Variants in TRNP1 observed in about 807,000 individuals in gnomAD.
TRNP1 encodes the protein TMF1 regulated nuclear protein 1.
Under a neutral mutation model 12.2 loss-of-function variants are expected in TRNP1, and 16 were observed. The ratio of observed to expected loss-of-function variants is 1.31; its 90% confidence interval spans 0.89 to 1.99. The LOEUF is 1.99. Among genes scored for constraint, TRNP1 ranks in the 30% most tolerant of loss-of-function variants. The pLI, the probability that TRNP1 is intolerant of heterozygous loss-of-function variation, is 0.00. For missense variants in TRNP1, 338 were observed against 330.4 expected, an observed-to-expected ratio of 1.02 and a Z score of -0.18; for synonymous variants, 139 against 166.2, an observed-to-expected ratio of 0.84 and a Z score of 1.26.
chr1:26,998,155 G>A (rs2082554628), intron 1 of TRNP1, among the ~76,000 whole-genome samples: 2 of 151,926 alleles, frequency 1.3e-5, no homozygotes, highest in African/African-American at 4.8e-5. Flanking sequence ...AGTTTGAGGC[G>A]GGCGGATCAC....
chr1:26,997,454 CTT>C (rs1172541445), intron 1 of TRNP1, among the ~76,000 whole-genome samples: 1 of 151,998 alleles, frequency 6.6e-6, no homozygotes, highest in East Asian at 1.9e-4. Flanking sequence ...TCTCCTGGCT[CTT>C]TTCCAGGCAG....
At chr1:26,995,285 C>G (rs780127173) in intron 1 of TRNP1, among the ~76,000 whole-genome samples, 2 of 152,244 alleles carry the variant, frequency 1.3e-5, no homozygotes, top group African/African-American at 4.8e-5. Context: ...TAACTCCCAA[C>G]CTGTTACTAA....
Position 26,993,708 on chromosome 1 carries a change from C to T in TRNP1, c.-79C>T, listed in dbSNP as rs1375043511. 1.1e-5 allele frequency: 13 copies of T among 1,224,548 alleles called. No homozygotes were observed. Among genetic ancestry groups the T allele is most frequent in the African/African-American group, 3.2e-5 (2 of 61,824 alleles). 75.9% of individuals were successfully genotyped at this position (1,224,548 alleles called of 1,614,324 possible). ...CGCGCCTCTGGGGTGGGGGCTGTGG[C>T]CGTGTCTAGCTGTTCGGGTGTGCTG... On this transcript the variant is annotated 5_prime_UTR_variant, in exon 1 of 2. Coordinates refer to ENST00000522111, the MANE Select transcript of TRNP1 (RefSeq NM_001013642.3).
In TRNP1 at chr1:26,994,035, C is replaced by T. The variant is rs1570774071; in HGVS notation, c.249C>T (p.Leu83=). Residue 83 remains leucine, a synonymous_variant, in exon 1 of 2, where the codon CTC becomes CTT. Coordinates refer to ENST00000522111, the MANE Select transcript of TRNP1 (RefSeq NM_001013642.3). This position sits in a 1 kb window ranked among gnomAD's most constrained non-coding sequence, Gnocchi z 6.9. The part of the protein sequence containing the change: ...WRQGASGIAG[L]AGPGGGSGAA... ...AGGGCGCTAGCGGGATCGCGGGGCT[C>T]GCCGGCCCCGGAGGGGGCTCTGGCG... 9.7e-6 allele frequency: 12 copies of T among 1,235,800 alleles called. No homozygotes were observed. The highest frequency in any genetic ancestry group is 1.0e-5 in the Non-Finnish European group (10 of 990,652). 76.6% of individuals were successfully genotyped at this position (1,235,800 alleles called of 1,614,324 possible).
intron 1 of TRNP1, among the ~76,000 whole-genome samples, chr1:26,998,523 C>G (rs1044408297): frequency 6.6e-6 from 1 of 152,172 alleles, no homozygotes; most frequent in African/African-American, 2.4e-5. Context: ...TCAAGAACAA[C>G]TCGGGTGCTT....
chr1:26,998,229 A>AG lies in TRNP1; in HGVS notation c.*143-1612dup, dbSNP rs1415430706. ...AAACCCCGCCTCTACTGAAAAAAAA[A>AG]GGGGGGAGCAAAGGAAGCTCCTTTG... On this transcript the variant is annotated intron_variant, in intron 1 of 1. Transcript: ENST00000522111. Among the ~76,000 whole-genome samples the AG allele has an allele frequency of 7.2e-5, 7 of 96,952 alleles. No homozygotes were observed. In the East Asian group the frequency reaches 1.0e-3, roughly 14 times the overall value. 63.6% of individuals were successfully genotyped at this position (96,952 alleles called of 152,430 possible).
At chr1:26,996,635 A>G (rs1211824816) in intron 1 of TRNP1, among the ~76,000 whole-genome samples, 2 of 152,154 alleles carry the variant, frequency 1.3e-5, no homozygotes, top group Non-Finnish European at 2.9e-5. Flanking sequence ...TCTGGGTTGC[A>G]TGGGAGGGGG....
rs147202818 is a variant in TRNP1, at chr1:27,000,846, C to G, written c.*1142C>G. 1.4e-3 allele frequency: 221 copies of G among 152,418 alleles called. 1 individual carries two copies. The highest frequency in any genetic ancestry group is 5.0e-3 in the African/African-American group (209 of 41,562). The allele number at this position is 152,418 out of a possible 1,614,324, so 9.4% of individuals were successfully genotyped here. A position where few individuals can be genotyped will look rare whatever the true frequency, so the allele number is the denominator to read the frequency against. On this transcript the variant is annotated 3_prime_UTR_variant, in exon 2 of 2. Coordinates refer to ENST00000522111, the MANE Select transcript of TRNP1 (RefSeq NM_001013642.3). ...CTCACAGCCGCCTGCTCTTACCCCC[C>G]TCCTCAGGAAGTCTTCCTCATTAAA...
Position 26,994,196 on chromosome 1 carries a change from C to T in TRNP1, c.410C>T (p.Ala137Val). 1 of 1,292,042 alleles carries T rather than the reference C, an allele frequency of 7.7e-7. No individual in the cohort carries two copies. Among genetic ancestry groups the T allele is most frequent in the East Asian group, 3.4e-5 (1 of 29,478 alleles). The allele number at this position is 1,292,042 out of a possible 1,614,324, so 80.0% of individuals were successfully genotyped here. Residue 137 changes from alanine to valine, a missense_variant, in exon 1 of 2, where the codon GCC becomes GTC. By Grantham distance (64) the Ala-to-Val change is moderately conservative. Coordinates refer to ENST00000522111, the MANE Select transcript of TRNP1 (RefSeq NM_001013642.3). The surrounding 1 kb of genome is among the most constrained non-coding windows in gnomAD (Gnocchi z 6.9). ...CAGCTGCACCGCGTTTTCTTGGCGGCCGAGCTGCGCCTGGCGCACCGCGCG... is the reference window on the plus strand; with the variant it reads ...CAGCTGCACCGCGTTTTCTTGGCGGTCGAGCTGCGCCTGGCGCACCGCGCG... The part of the protein sequence containing the change: ...VLQLHRVFLA[A>V]ELRLAHRAES...
intron 1 of TRNP1, among the ~76,000 whole-genome samples, chr1:26,996,957 A>G (rs1296226008): frequency 1.3e-5 from 2 of 152,024 alleles, no homozygotes; most frequent in African/African-American, 2.4e-5. Context: ...AGTTAGTGCT[A>G]TGTCCATTAC....
At chr1:26,999,479 G>A (rs2082562001) in intron 1 of TRNP1, among the ~76,000 whole-genome samples, 2 of 152,212 alleles carry the variant, frequency 1.3e-5, no homozygotes, top group Admixed American at 1.3e-4. Context: ...AATTTGCCCA[G>A]CCCTGGAGAG....
At position 27,000,646 on chromosome 1, in the gene TRNP1, T is replaced by C. The variant is rs1438567047; in HGVS notation, c.*942T>C. On this transcript the variant is annotated 3_prime_UTR_variant, in exon 2 of 2. Transcript: ENST00000522111. ...ATTCAGGAGGAATAAATTTCCATAA[T>C]GTAAGGCAAATGCATGGGGTTCTGA... is the stretch of plus-strand genomic sequence containing the variant. 6.6e-6 allele frequency: 1 copy of C among 152,616 alleles called. No homozygotes were observed. Among genetic ancestry groups the C allele is most frequent in the Non-Finnish European group, 1.5e-5 (1 of 68,048 alleles). 9.5% of individuals were successfully genotyped at this position (152,616 alleles called of 1,614,324 possible).
Position 26,993,882 on chromosome 1 carries a change from C to CT in TRNP1, c.97dup (p.Ser33PhefsTer46). ...CGCCGCCCTGGGATCCCATGCCGTC[C>CT]TCTCAGCCCCCGCCCCCAACTCCGA... On this transcript the variant is annotated frameshift_variant, in exon 1 of 2. Transcript: ENST00000522111. LOFTEE classifies it high-confidence loss of function. 1 of 1,374,548 alleles carries CT rather than the reference C, an allele frequency of 7.3e-7. No homozygotes were observed. The highest frequency in any genetic ancestry group is 9.3e-7 in the Non-Finnish European group (1 of 1,071,276). 85.1% of individuals were successfully genotyped at this position (1,374,548 alleles called of 1,614,324 possible). A position where few individuals can be genotyped will look rare whatever the true frequency, so the allele number is the denominator to read the frequency against.
intron 1 of TRNP1, among the ~76,000 whole-genome samples, chr1:26,996,379 C>A (rs2082545526): frequency 6.6e-6 from 1 of 152,212 alleles, no homozygotes; most frequent in Non-Finnish European, 1.5e-5. Context: ...AACAGCAAGG[C>A]TTTCCTGAAC....
In TRNP1 at chr1:26,993,736, G is replaced by A. The variant is rs1257783939; in HGVS notation, c.-51G>A. 1 of 1,273,578 alleles carries A rather than the reference G, an allele frequency of 7.9e-7. No individual in the cohort carries two copies. The highest frequency in any genetic ancestry group is 9.9e-7 in the Non-Finnish European group (1 of 1,011,682). The allele number at this position is 1,273,578 out of a possible 1,614,324, so 78.9% of individuals were successfully genotyped here. On this transcript the variant is annotated 5_prime_UTR_variant, in exon 1 of 2. Transcript: ENST00000522111. ...TGTCTAGCTGTTCGGGTGTGCTGTG[G>A]TCATCCTCCCTGCGCACCTACAGCC...
In TRNP1 at chr1:26,993,836, C is replaced by A; in HGVS notation, c.50C>A (p.Thr17Lys). 5 of 1,343,238 alleles carry A rather than the reference C, an allele frequency of 3.7e-6. No individual in the cohort carries two copies. Among genetic ancestry groups the A allele is most frequent in the Non-Finnish European group, 4.7e-6 (5 of 1,053,748 alleles). The allele number at this position is 1,343,238 out of a possible 1,614,324, so 83.2% of individuals were successfully genotyped here. Residue 17 changes from threonine to lysine, a missense_variant, in exon 1 of 2, where the codon ACG becomes AAG. Thr to Lys is a moderately conservative substitution (Grantham distance 78). Coordinates refer to ENST00000522111, the MANE Select transcript of TRNP1 (RefSeq NM_001013642.3). ...SACGPGAQEG[T>K]AEQRSPPPPW... ...TGCGGCCCGGGGGCCCAGGAGGGGACGGCAGAGCAGAGGTCGCCGCCGCCG... is the reference window on the plus strand; with the variant it reads ...TGCGGCCCGGGGGCCCAGGAGGGGAAGGCAGAGCAGAGGTCGCCGCCGCCG...
At position 27,000,496 on chromosome 1, in the gene TRNP1, TG is replaced by T. The variant is rs2082567195; in HGVS notation, c.*793del. 1 of 152,264 alleles carries T rather than the reference TG, an allele frequency of 6.6e-6. No homozygotes were observed. The highest frequency in any genetic ancestry group is 2.4e-5 in the African/African-American group (1 of 41,332). The allele number at this position is 152,264 out of a possible 1,614,324, so 9.4% of individuals were successfully genotyped here. On this transcript the variant is annotated 3_prime_UTR_variant, in exon 2 of 2. Transcript: ENST00000522111. Reference sequence around the variant, plus strand: ...TAAAACATCTAAGCAAAGTTTTAAATGAAAAAAAGGAAACACATTTAAACAT... The same window carrying T: ...TAAAACATCTAAGCAAAGTTTTAAATAAAAAAAGGAAACACATTTAAACAT...
At position 26,994,170 on chromosome 1, in the gene TRNP1, G is replaced by A; in HGVS notation, c.384G>A (p.Leu128=). Residue 128 remains leucine, a synonymous_variant, in exon 1 of 2, where the codon CTG becomes CTA. Coordinates refer to ENST00000522111, the MANE Select transcript of TRNP1 (RefSeq NM_001013642.3). This position sits in a 1 kb window ranked among gnomAD's most constrained non-coding sequence, Gnocchi z 6.9. ...TGTCGGAGCTGGAGAGCCGCGTGCT[G>A]CAGCTGCACCGCGTTTTCTTGGCGG... ...RLVSELESRV[L]QLHRVFLAAE... is the part of the protein sequence containing the mutation. 7.7e-7 allele frequency: 1 copy of A among 1,296,492 alleles called. No homozygotes were observed. Among genetic ancestry groups the A allele is most frequent in the Non-Finnish European group, 9.8e-7 (1 of 1,017,418 alleles). The allele number at this position is 1,296,492 out of a possible 1,614,324, so 80.3% of individuals were successfully genotyped here. A position where few individuals can be genotyped will look rare whatever the true frequency, so the allele number is the denominator to read the frequency against.
Position 26,999,355 on chromosome 1 carries a change from G to C in TRNP1, c.*143-492G>C, listed in dbSNP as rs74062570. On this transcript the variant is annotated intron_variant, in intron 1 of 1. Transcript: ENST00000522111. ...GCCGAAATCGCGCCAGTGTACTCCA[G>C]CCTGGGCAACAAGAGCAAAACTTCG... 1.7e-3 allele frequency among the ~76,000 whole-genome samples: 260 copies of C among 152,326 alleles called. 3 individuals carry two copies. The highest frequency in any genetic ancestry group is 6.1e-3 in the African/African-American group (252 of 41,574).
Sources: gnomAD v4.1 joint callset for allele counts (sites outside exome capture counted in the v4.1 genomes callset) on GRCh38, gnomAD v4.1.1 for gene constraint, Gnocchi (gnomAD v3.1) non-coding constraint, MANE v1.5 for transcripts, NCBI Gene and HGNC (gene_info 2026-07-23, HGNC 2026-07-21) for gene names.